Variants in ENTPD3 observed in about 807,000 individuals in gnomAD.
ENTPD3 encodes the protein CD39 antigen-like 3.
A neutral mutation model predicts 51.2 loss-of-function variants in ENTPD3; 60 were observed. The ratio of observed to expected loss-of-function variants is 1.17; its 90% CI spans 0.95 to 1.45. The LOEUF (loss-of-function observed/expected upper bound fraction) is 1.45, where lower values mean the gene tolerates loss of function less well. Among genes scored for constraint, ENTPD3 ranks in the 40% most tolerant of loss-of-function variants. ENTPD3 has a pLI of 0.00. For synonymous variants in ENTPD3, 221 were observed against 238.4 expected, an observed-to-expected ratio of 0.93 and a Z score of 0.67; for missense variants, 593 against 641.1, an observed-to-expected ratio of 0.93 and a Z score of 0.81.
intron 4 of ENTPD3, among the ~76,000 whole-genome samples, chr3:40,407,453 T>G (rs1575219708): frequency 6.6e-6 from 1 of 152,280 alleles, no homozygotes; most frequent in African/African-American, 2.4e-5. Flanking sequence ...CTTGAAAATA[T>G]AAAAATTATT....
chr3:40,424,121 A>G lies in ENTPD3; in HGVS notation c.1353+158A>G, dbSNP rs1040844164. On this transcript the variant is annotated intron_variant, in intron 10 of 10. Transcript: ENST00000301825. ...CCTTGTGAGTTTCCCAGAAGAGGTC[A>G]TGGAGAATTTAGAAGAGTTGCTCAT... 4.1e-6 allele frequency: 4 copies of G among 985,328 alleles called. No homozygotes were observed. The African/African-American group carries it at 7.0e-5, about 17-fold the overall frequency. The allele number at this position is 985,328 out of a possible 1,614,324, so 61.0% of individuals were successfully genotyped here. A position where few individuals can be genotyped will look rare whatever the true frequency, so the allele number is the denominator to read the frequency against.
chr3:40,387,677 T>C (rs1954969646), intron 1 of ENTPD3, among the ~76,000 whole-genome samples: 1 of 152,126 alleles, frequency 6.6e-6, no homozygotes, highest in African/African-American at 2.4e-5. Context: ...AAACCTTCCT[T>C]GCTCATGTTC....
At chr3:40,404,026 T>C (rs1429028319) in intron 4 of ENTPD3, among the ~76,000 whole-genome samples, 1 of 151,636 alleles carries the variant, frequency 6.6e-6, no homozygotes, top group Non-Finnish European at 1.5e-5. Context: ...CAACCAGCGA[T>C]CCTCTATCTG....
At chr3:40,400,017 C>A (rs1955307477) in intron 3 of ENTPD3, among the ~76,000 whole-genome samples, 1 of 152,168 alleles carries the variant, frequency 6.6e-6, no homozygotes, top group South Asian at 2.1e-4. Context: ...GTAATCCCAG[C>A]ACTTTGGGAG....
At chr3:40,421,170 C>T (rs768321836) in intron 7 of ENTPD3, among the ~76,000 whole-genome samples, 11 of 151,496 alleles carry the variant, frequency 7.3e-5, no homozygotes, top group Non-Finnish European at 1.5e-4. Context: ...ACTACAGGTG[C>T]GTGCCACCAC....
rs748603088 is a variant in ENTPD3, at chr3:40,427,254, A to C, written c.1354-18A>C. 6.2e-7 allele frequency: 1 copy of C among 1,603,506 alleles called. No homozygotes were observed. Among genetic ancestry groups the C allele is most frequent in the South Asian group, 1.1e-5 (1 of 90,820 alleles). On this transcript the variant is annotated intron_variant, in intron 10 of 10. Transcript: ENST00000301825. ...TGAGCCTTGCCCTGAGCGCTGAGCC[A>C]TCTCCTCTACTCCACAGGTGGGGAA...
chr3:40,424,329 T>C (rs1267120030), intron 10 of ENTPD3, among the ~76,000 whole-genome samples: 2 of 152,204 alleles, frequency 1.3e-5, no homozygotes, highest in African/African-American at 4.8e-5. Flanking sequence ...TATGAGACTT[T>C]TCATCCTGAA....
Position 40,392,060 on chromosome 3 carries a change from C to A in ENTPD3, c.78C>A (p.Ala26=). 1 of 1,614,050 alleles carries A rather than the reference C, an allele frequency of 6.2e-7. No homozygotes were observed. The highest frequency in any genetic ancestry group is 8.5e-7 in the Non-Finnish European group (1 of 1,179,912). ...KALYRTPTII[A]LVVLLVSIVV... ...TCTACCGAACTCCAACCATCATTGC[C>A]TTGGTGGTCTTGCTTGTGAGTATTG... Residue 26 remains alanine (A), a synonymous_variant, in exon 3 of 11, where the codon GCC becomes GCA. Coordinates refer to ENST00000301825, the MANE Select transcript of ENTPD3 (RefSeq NM_001248.4).
Position 40,428,739 on chromosome 3 carries a change from C to T in ENTPD3, c.*1231C>T, listed in dbSNP as rs575684995. 6 of 152,198 alleles carry T rather than the reference C, an allele frequency of 3.9e-5. No homozygotes were observed. The East Asian group carries it at 5.8e-4, about 15-fold the overall frequency. 9.4% of individuals were successfully genotyped at this position (152,198 alleles called of 1,614,324 possible). On this transcript the variant is annotated 3_prime_UTR_variant, in exon 11 of 11. Coordinates refer to ENST00000301825, the MANE Select transcript of ENTPD3 (RefSeq NM_001248.4). The stretch of plus-strand genomic sequence containing the variant: ...AATTAAGAAACCCATTCATTAATAT[C>T]ACCTTTATTCCAGAGAGTTCAAAGT...
At chr3:40,423,763 C>A in intron 9 of ENTPD3, 63 bp from the exon 10 acceptor site, 1 of 1,577,746 alleles carries the variant, frequency 6.3e-7, no homozygotes, top group African/African-American at 1.4e-5. Flanking sequence ...GACTTTTAAC[C>A]CAAGGTGTTC....
At chr3:40,414,645 G>T in intron 5 of ENTPD3, 36 bp from the exon 6 acceptor site, 1 of 1,610,172 alleles carries the variant, frequency 6.2e-7, no homozygotes, top group Non-Finnish European at 8.5e-7. Context: ...TGTATTGTCT[G>T]GGCACTCAGA....
chr3:40,406,199 A>C (rs1955491560), intron 4 of ENTPD3, among the ~76,000 whole-genome samples: 1 of 152,188 alleles, frequency 6.6e-6, no homozygotes, highest in Admixed American at 6.5e-5. Flanking sequence ...AAGTGATATG[A>C]GACAATGGGC....
chr3:40,419,226 T>C (rs1233623516), intron 7 of ENTPD3, among the ~76,000 whole-genome samples: 2 of 152,222 alleles, frequency 1.3e-5, no homozygotes, highest in East Asian at 1.9e-4. Context: ...ATTTTATTTC[T>C]GTAGGACAGG....
At chr3:40,410,893 G>T (rs1281798849) in intron 4 of ENTPD3, among the ~76,000 whole-genome samples, 1 of 152,128 alleles carries the variant, frequency 6.6e-6, no homozygotes, top group Non-Finnish European at 1.5e-5. Context: ...GGAAGAAGGA[G>T]GGATGAAGAG....
At chr3:40,407,759 G>C (rs1955537224) in intron 4 of ENTPD3, among the ~76,000 whole-genome samples, 1 of 152,202 alleles carries the variant, frequency 6.6e-6, no homozygotes, top group Non-Finnish European at 1.5e-5. Flanking sequence ...ATGACAGCCA[G>C]TGAGGGGAGA....
At chr3:40,402,929 C>T (rs1955401729) in intron 4 of ENTPD3, among the ~76,000 whole-genome samples, 1 of 152,086 alleles carries the variant, frequency 6.6e-6, no homozygotes, top group Non-Finnish European at 1.5e-5. Flanking sequence ...ACTTATCTTC[C>T]TCGTTCGAGC....
At chr3:40,420,981 C>T (rs1955857619) in intron 7 of ENTPD3, among the ~76,000 whole-genome samples, 1 of 151,422 alleles carries the variant, frequency 6.6e-6, no homozygotes, top group Admixed American at 6.6e-5. Flanking sequence ...ACAGGGAGAC[C>T]CCACCTCTAC....
At chr3:40,404,503 C>T (rs1042141128) in intron 4 of ENTPD3, among the ~76,000 whole-genome samples, 1 of 152,150 alleles carries the variant, frequency 6.6e-6, no homozygotes, top group Admixed American at 6.5e-5. Flanking sequence ...ATAAGACTTA[C>T]ATGGGGAGGT....
At chr3:40,400,869 ACT>A (rs775781869) in intron 3 of ENTPD3, 23 bp from the exon 4 acceptor site, 1 of 1,588,682 alleles carries the variant, frequency 6.3e-7, no homozygotes, top group African/African-American at 1.3e-5. Context: ...GCCCATTCTG[ACT>A]CTCCCTTTCC....
Sources: allele counts gnomAD v4.1 joint callset (sites outside exome capture counted in the v4.1 genomes callset), GRCh38; gene constraint gnomAD v4.1.1; transcripts MANE v1.5; gene names NCBI Gene and HGNC (gene_info 2026-07-23, HGNC 2026-07-21).